ADAMTS12: variants seen among roughly 807,000 people sequenced by gnomAD.
The protein encoded by ADAMTS12 is A disintegrin and metalloproteinase with thrombospondin motifs 12.
A neutral mutation model predicts 167.8 loss-of-function variants in ADAMTS12; 118 were observed. The ratio of observed to expected loss-of-function variants is 0.70; its 90% CI spans 0.61 to 0.82. The LOEUF is 0.82. Ranked by LOEUF, ADAMTS12 falls within the 40% of genes least tolerant of loss-of-function variation. The probability of loss-of-function intolerance (pLI) is 0.00; values close to 1 mark genes in which losing one functional copy is unlikely to be tolerated. For synonymous variants in ADAMTS12, 704 were observed against 716.9 expected, an observed-to-expected ratio of 0.98 and a Z score of 0.29; for missense variants, 1,916 against 1,998.8, an observed-to-expected ratio of 0.96 and a Z score of 0.79.
At chr5:33,572,107 T>C (rs1295063414) in intron 19 of ADAMTS12, among the ~76,000 whole-genome samples, 1 of 152,102 alleles carries the variant, frequency 6.6e-6, no homozygotes, top group Non-Finnish European at 1.5e-5. Flanking sequence ...CAATAATCAA[T>C]AGCTTACCAA....
chr5:33,642,010 T>C, intron 10 of ADAMTS12, 55 bp from the exon 11 acceptor site: 1 of 1,534,300 alleles, frequency 6.5e-7, no homozygotes, highest in Non-Finnish European at 8.8e-7. Flanking sequence ...CAGAGCAAGC[T>C]GAGCCAAGAG....
At chr5:33,825,720 A>G (rs1748040656) in intron 2 of ADAMTS12, among the ~76,000 whole-genome samples, 1 of 152,154 alleles carries the variant, frequency 6.6e-6, no homozygotes, top group Non-Finnish European at 1.5e-5. Flanking sequence ...TTGCTTTGCA[A>G]ATCGATAGAG....
chr5:33,746,735 G>A (rs183068622), intron 3 of ADAMTS12, among the ~76,000 whole-genome samples: 8 of 152,314 alleles, frequency 5.3e-5, no homozygotes, highest in Non-Finnish European at 8.8e-5. Context: ...TGCTAGGAAG[G>A]CATTTTGTAG....
chr5:33,641,753 C>T, intron 11 of ADAMTS12, 57 bp downstream of exon 11: 2 of 1,467,840 alleles, frequency 1.4e-6, no homozygotes, highest in Non-Finnish European at 1.8e-6. Flanking sequence ...CAAGACTGCC[C>T]CCCATCCCGC....
At chr5:33,545,918 A>T in intron 22 of ADAMTS12, 141 bp downstream of exon 22, 1 of 956,314 alleles carries the variant, frequency 1.0e-6, no homozygotes, top group Non-Finnish European at 1.5e-6. Flanking sequence ...GTAAATGATG[A>T]GTTGATGGGT....
In ADAMTS12 at chr5:33,641,315, T is replaced by C. The variant is rs115463892; in HGVS notation, c.1718+495A>G. ...ACTTTAGGGTTTATAAAAATCCTTA[T>C]CGAAAAATATTAAAAATAATTGTCC... On this transcript the variant is annotated intron_variant, in intron 11 of 23. Transcript: ENST00000504830. 6.6e-3 allele frequency among the ~76,000 whole-genome samples: 1,008 copies of C among 152,306 alleles called. 10 individuals carry two copies. Among genetic ancestry groups the C allele is most frequent in the African/African-American group, 0.022 (931 of 41,564 alleles).
intron 7 of ADAMTS12, among the ~76,000 whole-genome samples, chr5:33,653,755 A>G (rs1740946317): frequency 6.6e-6 from 1 of 152,014 alleles, no homozygotes; most frequent in African/African-American, 2.4e-5. Context: ...AGATTTCAGA[A>G]GTTTAATTAT....
At chr5:33,584,942 G>A (rs1484966519) in intron 18 of ADAMTS12, among the ~76,000 whole-genome samples, 1 of 152,148 alleles carries the variant, frequency 6.6e-6, no homozygotes, top group African/African-American at 2.4e-5. Flanking sequence ...GAACTAAGAT[G>A]GTTTCTCCAT....
intron 2 of ADAMTS12, among the ~76,000 whole-genome samples, chr5:33,787,177 GA>G (rs886127473): frequency 1.4e-4 from 20 of 146,686 alleles, no homozygotes; most frequent in South Asian, 4.4e-4. Flanking sequence ...TAGGAAATAT[GA>G]AAAAAAAAAG....
intron 2 of ADAMTS12, among the ~76,000 whole-genome samples, chr5:33,860,527 CCTGTGTTTGATTG>C (rs1749570614): frequency 1.3e-5 from 2 of 152,100 alleles, no homozygotes; most frequent in African/African-American, 4.8e-5. Context: ...AAAGACCAAA[CCTGTGTTTGATTG>C]GTGTATCTGA....
rs113305132 is a variant in ADAMTS12 at position 33,612,472 on chromosome 5, A to G, written c.2527+1766T>C. Among the ~76,000 whole-genome samples the G allele has an allele frequency of 9.0e-3, 1,372 of 152,278 alleles. 24 individuals carry two copies. The highest frequency in any genetic ancestry group is 0.032 in the African/African-American group (1,316 of 41,552). ...TCCATTCTATCTTGAAACAGAAGTG[A>G]GTGGAGGATGTTCTCTTGTTTCTTT... is the stretch of plus-strand genomic sequence containing the variant. On this transcript the variant is annotated intron_variant, in intron 16 of 23. Transcript: ENST00000504830.
chr5:33,738,905 T>C (rs1744467252), intron 3 of ADAMTS12, among the ~76,000 whole-genome samples: 1 of 152,224 alleles, frequency 6.6e-6, no homozygotes, highest in Non-Finnish European at 1.5e-5. Flanking sequence ...CTGGTGTCAA[T>C]TTAGCAGTAG....
chr5:33,807,997 A>C (rs1315177837), intron 2 of ADAMTS12, among the ~76,000 whole-genome samples: 2 of 152,208 alleles, frequency 1.3e-5, no homozygotes, highest in Non-Finnish European at 2.9e-5. Context: ...GAATGCGTGC[A>C]GGATGAAGTT....
At chr5:33,661,881 T>A in intron 6 of ADAMTS12, 35 bp downstream of exon 6, 1 of 1,611,744 alleles carries the variant, frequency 6.2e-7, no homozygotes, top group South Asian at 1.1e-5. Flanking sequence ...CTCCCTGCTT[T>A]ACTGCCCCTG....
At chr5:33,579,279 A>C (rs989424553) in intron 18 of ADAMTS12, among the ~76,000 whole-genome samples, 1 of 152,192 alleles carries the variant, frequency 6.6e-6, no homozygotes, top group African/African-American at 2.4e-5. Flanking sequence ...GTATGTGTGA[A>C]CACATTTCCA....
chr5:33,717,446 C>A (rs1170050926), intron 3 of ADAMTS12, among the ~76,000 whole-genome samples: 1 of 152,146 alleles, frequency 6.6e-6, no homozygotes, highest in African/African-American at 2.4e-5. Flanking sequence ...ATTTAATCCA[C>A]ATAATAACCC....
intron 7 of ADAMTS12, 42 bp downstream of exon 7, chr5:33,658,142 C>T: frequency 5.0e-6 from 8 of 1,606,392 alleles, no homozygotes; most frequent in Non-Finnish European, 6.0e-6. Context: ...GATATTGACA[C>T]ATGAATATGG....
intron 2 of ADAMTS12, among the ~76,000 whole-genome samples, chr5:33,795,676 A>G (rs1365693393): frequency 6.6e-6 from 1 of 152,086 alleles, no homozygotes; most frequent in Non-Finnish European, 1.5e-5. Flanking sequence ...GGGAGCTGGG[A>G]TGTGGGAGCC....
At chr5:33,880,008 G>C (rs945636831) in intron 2 of ADAMTS12, among the ~76,000 whole-genome samples, 1 of 152,134 alleles carries the variant, frequency 6.6e-6, no homozygotes, top group Admixed American at 6.5e-5. Context: ...CGAGACTCTG[G>C]GATTCCTTCC....
Sources: allele counts gnomAD v4.1 joint callset (sites outside exome capture counted in the v4.1 genomes callset), GRCh38; gene constraint gnomAD v4.1.1; transcripts MANE v1.5; gene names NCBI Gene and HGNC (gene_info 2026-07-23, HGNC 2026-07-21).